Variants in SPAG16 observed in about 807,000 individuals in gnomAD.
SPAG16 encodes the protein sperm associated antigen 16, also known as sperm-associated antigen 16 protein.
Under a neutral mutation model 80.4 loss-of-function variants are expected in SPAG16, and 86 were observed. That is an observed-to-expected ratio of 1.07 (90% CI 0.90 to 1.28). SPAG16 has a LOEUF of 1.28. Among genes scored for constraint, SPAG16 ranks in the 50% most tolerant of loss-of-function variants. SPAG16 has a pLI of 0.00. For missense variants in SPAG16, 870 were observed against 765.3 expected (o/e 1.14, Z -1.61); for synonymous variants, 294 against 265.9 (o/e 1.11, Z -1.03).
At chr2:213,538,738 A>G (rs1186027019) in intron 10 of SPAG16, among the ~76,000 whole-genome samples, 2 of 152,178 alleles carry the variant, frequency 1.3e-5, no homozygotes, top group Admixed American at 6.5e-5. Flanking sequence ...GGTTCAGTGC[A>G]CAAAAAATAC....
intron 12 of SPAG16, among the ~76,000 whole-genome samples, chr2:213,953,153 T>G (rs897155665): frequency 6.6e-6 from 1 of 151,970 alleles, no homozygotes; most frequent in African/African-American, 2.4e-5. Flanking sequence ...GAATATTTTT[T>G]CAACAAAGCA....
chr2:213,989,846 C>T (rs982890173), intron 12 of SPAG16, among the ~76,000 whole-genome samples: 1 of 151,878 alleles, frequency 6.6e-6, no homozygotes, highest in Non-Finnish European at 1.5e-5. Context: ...TTAATGAGCC[C>T]AGAGTCCAAG....
chr2:213,601,417 A>G (rs1247553075), intron 10 of SPAG16, among the ~76,000 whole-genome samples: 1 of 152,178 alleles, frequency 6.6e-6, no homozygotes, highest in Non-Finnish European at 1.5e-5. Context: ...ACATGCATGT[A>G]TATGTGTGTT....
chr2:214,318,673 G>C lies in SPAG16; in HGVS notation c.1721-91467G>C, dbSNP rs144549330. On this transcript the variant is annotated intron_variant, in intron 15 of 15. Coordinates refer to ENST00000331683, the MANE Select transcript of SPAG16 (RefSeq NM_024532.5). ...TGACAGGCATGAGCCACCGCGCCCA[G>C]CCCAGAGAGTGGACTCTTTAACAAT... Among the ~76,000 whole-genome samples the C allele has an allele frequency of 2.0e-3, 300 of 152,192 alleles. 12 individuals are homozygous for C. The highest frequency in any genetic ancestry group is 0.018 in the Admixed American group (270 of 15,292).
intron 13 of SPAG16, among the ~76,000 whole-genome samples, chr2:214,056,525 T>A (rs2049955783): frequency 1.1e-5 from 1 of 87,798 alleles, no homozygotes; most frequent in African/African-American, 4.7e-5. Flanking sequence ...AAATACTTAT[T>A]GGTAAAAAAA....
chr2:214,080,589 C>G (rs1350902180), intron 13 of SPAG16, among the ~76,000 whole-genome samples: 3 of 134,894 alleles, frequency 2.2e-5, no homozygotes, highest in Non-Finnish European at 4.6e-5. Context: ...GCCTGGGCGA[C>G]AGAGCGAGAC....
chr2:213,632,710 A>G (rs538880818), intron 10 of SPAG16, among the ~76,000 whole-genome samples: 25 of 151,914 alleles, frequency 1.6e-4, no homozygotes, highest in African/African-American at 5.8e-4. Context: ...ATACTTTTAC[A>G]GCATCAATTG....
intron 14 of SPAG16, among the ~76,000 whole-genome samples, chr2:214,136,926 A>G (rs2055084496): frequency 6.6e-6 from 1 of 152,138 alleles, no homozygotes; most frequent in Non-Finnish European, 1.5e-5. Context: ...ACCTTCACAT[A>G]TTGAAGGCAG....
At chr2:213,553,582 C>G (rs930045227) in intron 10 of SPAG16, among the ~76,000 whole-genome samples, 25 of 152,140 alleles carry the variant, frequency 1.6e-4, no homozygotes, top group African/African-American at 6.0e-4. Context: ...TAGAGGTGCT[C>G]CTTTCTCAAA....
chr2:213,505,243 C>T (rs1452083946), intron 10 of SPAG16, among the ~76,000 whole-genome samples: 3 of 152,044 alleles, frequency 2.0e-5, no homozygotes, highest in Non-Finnish European at 4.4e-5. Flanking sequence ...GTATCAATTT[C>T]AAATGTACAA....
intron 13 of SPAG16, among the ~76,000 whole-genome samples, chr2:214,024,676 A>G (rs1008273338): frequency 8.6e-5 from 13 of 151,640 alleles, no homozygotes; most frequent in Non-Finnish European, 1.5e-5. Flanking sequence ...AATTATATGA[A>G]TAGAAGGTTG....
chr2:213,461,334 G>C (rs73986876), intron 9 of SPAG16, among the ~76,000 whole-genome samples: 11,279 of 152,230 alleles, frequency 0.074, 1,377 homozygotes, highest in African/African-American at 0.25. Context: ...ATGTTAGAGA[G>C]ATAGGCTTGA....
chr2:213,880,352 G>A (rs2076297923), intron 11 of SPAG16, among the ~76,000 whole-genome samples: 1 of 152,132 alleles, frequency 6.6e-6, no homozygotes, highest in Admixed American at 6.5e-5. Flanking sequence ...ATTTGTTTAA[G>A]TTCCTTGTAG....
At chr2:213,755,073 T>C (rs574828996) in intron 10 of SPAG16, among the ~76,000 whole-genome samples, 4 of 152,210 alleles carry the variant, frequency 2.6e-5, no homozygotes, top group Non-Finnish European at 4.4e-5. Flanking sequence ...CAACAAACTC[T>C]TTGTGTCAGT....
intron 9 of SPAG16, among the ~76,000 whole-genome samples, chr2:213,412,771 A>G (rs922203634): frequency 2.0e-5 from 3 of 152,222 alleles, no homozygotes; most frequent in African/African-American, 4.8e-5. Flanking sequence ...CCAGCATGGC[A>G]TAAAATATAG....
intron 3 of SPAG16, among the ~76,000 whole-genome samples, chr2:213,304,099 T>C (rs1474277119): frequency 2.0e-5 from 3 of 152,170 alleles, no homozygotes; most frequent in Non-Finnish European, 2.9e-5. Flanking sequence ...AGATGATAGC[T>C]CATTGTAGTT....
At chr2:214,216,119 C>A (rs931739926) in intron 15 of SPAG16, among the ~76,000 whole-genome samples, 3 of 152,050 alleles carry the variant, frequency 2.0e-5, no homozygotes, top group African/African-American at 4.8e-5. Context: ...AGAATAATGA[C>A]AGAAGGTTGG....
chr2:213,973,202 C>T (rs879436671), intron 12 of SPAG16, among the ~76,000 whole-genome samples: 3 of 152,032 alleles, frequency 2.0e-5, no homozygotes, highest in African/African-American at 4.8e-5. Context: ...TTCCAAATTC[C>T]CCAGTATATA....
At chr2:213,342,888 G>T (rs1327995336) in intron 6 of SPAG16, among the ~76,000 whole-genome samples, 1 of 151,694 alleles carries the variant, frequency 6.6e-6, no homozygotes, top group East Asian at 1.9e-4. Context: ...TCTTCCTGAA[G>T]GTACTTTTCA....
Sources: allele counts gnomAD v4.1 joint callset (sites outside exome capture counted in the v4.1 genomes callset), GRCh38; gene constraint gnomAD v4.1.1; transcripts MANE v1.5; gene names NCBI Gene and HGNC (gene_info 2026-07-23, HGNC 2026-07-21).